The following TOX variants were observed in gnomAD, a reference collection of about 807,000 sequenced individuals.
TOX encodes thymocyte selection associated high mobility group box.
Under a neutral mutation model 53.7 loss-of-function variants are expected in TOX, and 11 were observed. That is an observed-to-expected ratio of 0.20 (90% CI 0.13 to 0.34). The LOEUF is 0.34. TOX is among the 10% of genes least tolerant of loss of function. TOX has a pLI of 1.00. For missense variants in TOX, 570 were observed against 664.6 expected (o/e 0.86, Z 1.56); for synonymous variants, 225 against 245.3 (o/e 0.92, Z 0.77).
intron 1 of TOX, among the ~76,000 whole-genome samples, chr8:59,034,152 C>A (rs919502714): frequency 5.9e-5 from 9 of 152,200 alleles, no homozygotes; most frequent in Non-Finnish European, 1.2e-4. Flanking sequence ...GTCTCCCATC[C>A]AATTGCTTAT....
At chr8:58,908,528 G>C (rs1052535953) in intron 3 of TOX, among the ~76,000 whole-genome samples, 3 of 152,164 alleles carry the variant, frequency 2.0e-5, no homozygotes, top group African/African-American at 7.2e-5. Context: ...AGATTTGAAA[G>C]TCTCTTGAAA....
intron 3 of TOX, among the ~76,000 whole-genome samples, chr8:58,862,147 G>T (rs753157801): frequency 1.2e-4 from 19 of 152,024 alleles, no homozygotes; most frequent in Non-Finnish European, 2.8e-4. Context: ...GACAGGAAAA[G>T]GCTGGAAATC....
rs116131267 is a variant in TOX, at chr8:58,990,003, G to A, written c.103-29995C>T. Among the ~76,000 whole-genome samples, 210 of 152,316 alleles carry A rather than the reference G, an allele frequency of 1.4e-3. 2 individuals carry two copies. Among genetic ancestry groups the A allele is most frequent in the African/African-American group, 4.9e-3 (204 of 41,566 alleles). ...TCCTCAGTGCTGTATCCCAGCAATG[G>A]TTGTGCTCCTCTGGGAGGGTGCAAG... is the stretch of plus-strand genomic sequence containing the variant. On this transcript the variant is annotated intron_variant, in intron 1 of 8. Coordinates refer to ENST00000361421, the MANE Select transcript of TOX (RefSeq NM_014729.3).
At chr8:58,987,114 C>T (rs1390799498) in intron 1 of TOX, among the ~76,000 whole-genome samples, 3 of 152,214 alleles carry the variant, frequency 2.0e-5, no homozygotes, top group Non-Finnish European at 4.4e-5. Flanking sequence ...ATGAGACTCT[C>T]CAGTTAGTGC....
chr8:59,042,046 G>A (rs310368), intron 1 of TOX, among the ~76,000 whole-genome samples: 11,215 of 152,028 alleles, frequency 0.074, 1,289 homozygotes, highest in East Asian at 0.5. Context: ...TCCATATAGC[G>A]TACTCCCTTT....
At chr8:58,832,155 AATATATGTAATATATGTAAT>A (rs1810469219) in intron 5 of TOX, among the ~76,000 whole-genome samples, 1 of 113,894 alleles carries the variant, frequency 8.8e-6, no homozygotes, top group African/African-American at 2.7e-5. Flanking sequence ...TGTAATATAT[AATATATGTAATATATGTAAT>A]ATATATATAA....
intron 1 of TOX, among the ~76,000 whole-genome samples, chr8:59,005,085 C>T (rs2129418370): frequency 6.6e-6 from 1 of 151,098 alleles, no homozygotes; most frequent in South Asian, 2.1e-4. Flanking sequence ...GTCGCCCAGG[C>T]TAGAGTGCAG....
At chr8:58,835,047 A>T (rs1009602502) in intron 5 of TOX, among the ~76,000 whole-genome samples, 1 of 152,318 alleles carries the variant, frequency 6.6e-6, no homozygotes, top group South Asian at 2.1e-4. Flanking sequence ...AGATAAAAAA[A>T]TTTATTTCTC....
intron 3 of TOX, among the ~76,000 whole-genome samples, chr8:58,892,180 T>C (rs1811570072): frequency 6.6e-6 from 1 of 152,190 alleles, no homozygotes; most frequent in Non-Finnish European, 1.5e-5. Context: ...CTTACAGCCA[T>C]TGTTGTATAA....
intron 1 of TOX, among the ~76,000 whole-genome samples, chr8:58,973,551 T>C (rs1177468230): frequency 6.6e-6 from 1 of 152,220 alleles, no homozygotes; most frequent in Non-Finnish European, 1.5e-5. Flanking sequence ...TGATTTTTAG[T>C]CCAATATTCC....
At chr8:58,976,904 G>C (rs193177593) in intron 1 of TOX, among the ~76,000 whole-genome samples, 4 of 152,294 alleles carry the variant, frequency 2.6e-5, no homozygotes, top group Admixed American at 2.6e-4. Flanking sequence ...TGCTGTAAAA[G>C]GATGTACTGT....
At chr8:58,865,900 T>C (rs1211078129) in intron 3 of TOX, among the ~76,000 whole-genome samples, 1 of 129,382 alleles carries the variant, frequency 7.7e-6, no homozygotes, top group Non-Finnish European at 1.6e-5. Flanking sequence ...AGTGGCACGA[T>C]CTTGGCTCAC....
At chr8:59,096,104 A>G (rs972967968) in intron 1 of TOX, among the ~76,000 whole-genome samples, 1 of 152,254 alleles carries the variant, frequency 6.6e-6, no homozygotes, top group Non-Finnish European at 1.5e-5. Flanking sequence ...AATACCAATT[A>G]AAGGATAATT....
chr8:59,085,586 C>T (rs1804493012), intron 1 of TOX, among the ~76,000 whole-genome samples: 1 of 152,206 alleles, frequency 6.6e-6, no homozygotes, highest in Non-Finnish European at 1.5e-5. Flanking sequence ...CAGAGTCTCC[C>T]TCTGTTGCCC....
Position 58,815,691 on chromosome 8 carries a change from G to T in TOX, c.1039C>A (p.Gln347Lys). ...TTCGAATTGATCAGCTGAGGAGGTTGAGATGTCTTCACGTCAACAGGTTCA... is the reference window on the plus strand; with the variant it reads ...TTCGAATTGATCAGCTGAGGAGGTTTAGATGTCTTCACGTCAACAGGTTCA... ...YSEPVDVKTS[Q>K]PPQLINSKPS... The change falls in exon 7 of 9, where the codon CAA (glutamine) becomes AAA (lysine). Residue 347 changes from glutamine (Q) to lysine (K), a missense_variant. Physicochemically the swap from Gln to Lys is moderately conservative, Grantham distance 53. Coordinates refer to ENST00000361421, the MANE Select transcript of TOX (RefSeq NM_014729.3). 2 of 1,613,580 alleles carry T rather than the reference G, an allele frequency of 1.2e-6. No homozygotes were observed. The highest frequency in any genetic ancestry group is 1.1e-5 in the South Asian group (1 of 91,000).
chr8:59,111,430 GT>G (rs1209519661), intron 1 of TOX, among the ~76,000 whole-genome samples: 2 of 152,094 alleles, frequency 1.3e-5, no homozygotes, highest in Non-Finnish European at 2.9e-5. Flanking sequence ...TAGTCATGAT[GT>G]TTTTCCTTTG....
At chr8:59,095,322 C>G (rs924878848) in intron 1 of TOX, among the ~76,000 whole-genome samples, 1 of 152,132 alleles carries the variant, frequency 6.6e-6, no homozygotes, top group African/African-American at 2.4e-5. Context: ...ACTAGGACTT[C>G]TAACATTCAT....
chr8:58,817,352 GC>G (rs1810198128), intron 6 of TOX, among the ~76,000 whole-genome samples: 1 of 151,004 alleles, frequency 6.6e-6, no homozygotes. Context: ...GATCAAAGAA[GC>G]TTTATTAAAT....
chr8:58,913,062 T>A (rs947951829), intron 3 of TOX, among the ~76,000 whole-genome samples: 1 of 152,244 alleles, frequency 6.6e-6, no homozygotes, highest in African/African-American at 2.4e-5. Flanking sequence ...ATCGAATGTT[T>A]ATTCTTTCAT....
Sources: gnomAD v4.1 joint callset for allele counts (sites outside exome capture counted in the v4.1 genomes callset) on GRCh38, gnomAD v4.1.1 for gene constraint, MANE v1.5 for transcripts, NCBI Gene and HGNC (gene_info 2026-07-23, HGNC 2026-07-21) for gene names.